P4HB: variants seen among roughly 807,000 people sequenced by gnomAD.
P4HB encodes prolyl 4-hydroxylase subunit beta, also known as protein disulfide-isomerase.
A neutral mutation model predicts 52.6 loss-of-function variants in P4HB; 20 were observed. The ratio of observed to expected loss-of-function variants is 0.38; its 90% CI spans 0.27 to 0.55. The LOEUF (loss-of-function observed/expected upper bound fraction) is 0.55, where lower values mean the gene tolerates loss of function less well. P4HB is among the 20% of genes least tolerant of loss of function. P4HB has a pLI of 0.74. For missense variants in P4HB, 601 were observed against 669.2 expected (o/e 0.90, Z 1.12); for synonymous variants, 296 against 277.9 (o/e 1.07, Z -0.65).
At chr17:81,853,705 C>G (rs1370807138) in intron 4 of P4HB, among the ~76,000 whole-genome samples, 2 of 152,162 alleles carry the variant, frequency 1.3e-5, no homozygotes, top group Admixed American at 1.3e-4. Context: ...TTCTTCTCCC[C>G]TCTGGAAACG....
intron 4 of P4HB, among the ~76,000 whole-genome samples, chr17:81,853,955 C>A (rs1371956012): frequency 6.6e-6 from 1 of 152,250 alleles, no homozygotes; most frequent in Non-Finnish European, 1.5e-5. Context: ...CCCATCTTGA[C>A]ACTGTGCAAA....
chr17:81,852,001 G>A (rs966971798), intron 4 of P4HB, among the ~76,000 whole-genome samples: 2 of 152,282 alleles, frequency 1.3e-5, no homozygotes, highest in South Asian at 4.1e-4. Context: ...TGGGCAACAC[G>A]GTGAAACCCC....
At chr17:81,858,605 C>T (rs1206376687) in intron 2 of P4HB, among the ~76,000 whole-genome samples, 2 of 152,174 alleles carry the variant, frequency 1.3e-5, no homozygotes, top group African/African-American at 2.4e-5. Context: ...GCTTCAGAGG[C>T]GGCAGACGAG....
At chr17:81,845,382 G>A (rs188154493) in intron 9 of P4HB, 152 bp from the exon 10 acceptor site, 6 of 840,966 alleles carry the variant, frequency 7.1e-6, no homozygotes, top group East Asian at 5.3e-5. Flanking sequence ...AACAGCCTAG[G>A]CAATATAGTG....
Position 81,855,161 on chromosome 17 carries a change from C to A in P4HB, c.605G>T (p.Gly202Val). The A allele has an allele frequency of 6.2e-7, 1 of 1,614,124 alleles. No homozygotes were observed. Among genetic ancestry groups the A allele is most frequent in the South Asian group, 1.1e-5 (1 of 91,084 alleles). The stretch of plus-strand genomic sequence containing the variant: ...ACTCACCTTCTTAAAGAGGACAACC[C>A]CATCTTTGTCGAGCTGGTATTTGGA... ...VFSKYQLDKDGVVLFKKFDEG... is the reference protein window; with the variant it reads ...VFSKYQLDKDVVVLFKKFDEG... The change falls in exon 4 of 11, where the codon GGG becomes GTG. Residue 202 changes from glycine to valine, a missense_variant. Coordinates refer to ENST00000331483, the MANE Select transcript of P4HB (RefSeq NM_000918.4). The surrounding 1 kb of genome is among the most constrained non-coding windows in gnomAD (Gnocchi z 4.3).
At chr17:81,848,299 G>C (rs1257109160) in intron 4 of P4HB, among the ~76,000 whole-genome samples, 6 of 152,252 alleles carry the variant, frequency 3.9e-5, no homozygotes. Context: ...CTGGGCGCAT[G>C]GTGTCGCAAG....
At chr17:81,844,920 C>T (rs1378275764) in intron 10 of P4HB, among the ~76,000 whole-genome samples, 1 of 152,278 alleles carries the variant, frequency 6.6e-6, no homozygotes, top group Non-Finnish European at 1.5e-5. Flanking sequence ...ATGCCTTCAA[C>T]GTCGTCCCCT....
intron 5 of P4HB, 47 bp from the exon 6 acceptor site, chr17:81,847,119 T>C: frequency 6.2e-7 from 1 of 1,612,104 alleles, no homozygotes; most frequent in Non-Finnish European, 8.5e-7. Flanking sequence ...ACACTATTAA[T>C]GCAGAAGATT....
intron 1 of P4HB, 68 bp from the exon 2 acceptor site, chr17:81,859,455 G>A (rs2038963256): frequency 1.5e-6 from 2 of 1,366,242 alleles, no homozygotes; most frequent in Non-Finnish European, 2.1e-6. Flanking sequence ...CCTCAGCAGT[G>A]CTTCCCTTTT....
chr17:81,858,257 CAAAAAAAAAAAAA>C (rs901002093), intron 2 of P4HB, among the ~76,000 whole-genome samples: 2 of 38,794 alleles, frequency 5.2e-5, no homozygotes, highest in Middle Eastern at 0.017. Context: ...GAGACTGTCT[CAAAAAAAAAAAAA>C]AAAAAAAAAA....
chr17:81,848,707 G>C (rs965894901), intron 4 of P4HB, among the ~76,000 whole-genome samples: 3 of 129,830 alleles, frequency 2.3e-5, no homozygotes, highest in African/African-American at 8.8e-5. Flanking sequence ...CTGCACTCCA[G>C]CCTGGGCGAC....
chr17:81,856,706 G>A (rs939989715), intron 2 of P4HB, among the ~76,000 whole-genome samples: 2 of 145,484 alleles, frequency 1.4e-5, no homozygotes, highest in African/African-American at 5.2e-5. Flanking sequence ...GGAGAATGCA[G>A]TGGCGCCATC....
At chr17:81,851,989 C>G (rs2038839532) in intron 4 of P4HB, among the ~76,000 whole-genome samples, 1 of 152,162 alleles carries the variant, frequency 6.6e-6, no homozygotes, top group South Asian at 2.1e-4. Flanking sequence ...TCGAGACCAG[C>G]CTGGGCAACA....
intron 4 of P4HB, among the ~76,000 whole-genome samples, chr17:81,852,903 C>G (rs1056556429): frequency 6.6e-6 from 1 of 152,180 alleles, no homozygotes; most frequent in Non-Finnish European, 1.5e-5. Context: ...AAAGTCTGCC[C>G]CAGAACCCAA....
intron 2 of P4HB, among the ~76,000 whole-genome samples, chr17:81,858,141 G>A (rs1314746677): frequency 1.3e-5 from 2 of 151,248 alleles, no homozygotes; most frequent in Non-Finnish European, 2.9e-5. Context: ...GCGTGGTGGT[G>A]CACACCTGTA....
chr17:81,843,748 G>A lies in P4HB; in HGVS notation c.*264C>T. 1 of 584,694 alleles carries A rather than the reference G, an allele frequency of 1.7e-6. No individual in the cohort carries two copies. 36.2% of individuals were successfully genotyped at this position (584,694 alleles called of 1,614,324 possible). A position where few individuals can be genotyped will look rare whatever the true frequency, so the allele number is the denominator to read the frequency against. On this transcript the variant is annotated 3_prime_UTR_variant, in exon 11 of 11. Transcript: ENST00000331483. ...AAGCACTCTGGACAGACTCATGTAT[G>A]AAAAAGTACATCATGGTTTCAGGAA... is the stretch of plus-strand genomic sequence containing the variant.
Position 81,855,567 on chromosome 17 carries a change from G to C in P4HB, c.372C>G (p.Asp124Glu). 6.2e-7 allele frequency: 1 copy of C among 1,613,806 alleles called. No individual in the cohort carries two copies. Among genetic ancestry groups the C allele is most frequent in the Non-Finnish European group, 8.5e-7 (1 of 1,179,928 alleles). The change falls in exon 3 of 11, where the codon GAC (aspartate) becomes GAG (glutamate). Residue 124 changes from aspartate (D) to glutamate (E), a missense_variant. Asp to Glu is a conservative substitution (Grantham distance 45). Transcript: ENST00000331483. The surrounding 1 kb of genome is among the most constrained non-coding windows in gnomAD (Gnocchi z 4.3). ...KEYTAGREAD[D>E]IVNWLKKRTG... The stretch of plus-strand genomic sequence containing the variant: ...TGCGCTTCTTCAGCCAGTTCACGAT[G>C]TCATCAGCCTCTCTGCCAGCTAACC...
chr17:81,857,419 G>A (rs2038928952), intron 2 of P4HB, among the ~76,000 whole-genome samples: 1 of 152,190 alleles, frequency 6.6e-6, no homozygotes, highest in South Asian at 2.1e-4. Flanking sequence ...AAAGTGCTGG[G>A]ATTACAGGCA....
At chr17:81,845,277 C>T (rs751248764) in intron 9 of P4HB, 47 bp from the exon 10 acceptor site, 1 of 1,481,704 alleles carries the variant, frequency 6.7e-7, no homozygotes, top group African/African-American at 1.4e-5. Flanking sequence ...GGCCCAGAGC[C>T]AATCTCCTGG....
Sources: gnomAD v4.1 joint callset for allele counts (sites outside exome capture counted in the v4.1 genomes callset) on GRCh38, gnomAD v4.1.1 for gene constraint, Gnocchi (gnomAD v3.1) non-coding constraint, MANE v1.5 for transcripts, NCBI Gene and HGNC (gene_info 2026-07-23, HGNC 2026-07-21) for gene names.